The following NLGN1 variants were observed in gnomAD, a reference collection of about 807,000 sequenced individuals.
NLGN1 encodes the protein neuroligin 1, also known as neuroligin-1.
Under a neutral mutation model 65.5 loss-of-function variants are expected in NLGN1, and 12 were observed. The ratio of observed to expected loss-of-function variants is 0.18; its 90% CI spans 0.12 to 0.30. The LOEUF is 0.30. NLGN1 is among the 10% of genes least tolerant of loss of function. The pLI, the probability that NLGN1 is intolerant of heterozygous loss-of-function variation, is 1.00. For synonymous variants in NLGN1, 350 were observed against 359.5 expected, an observed-to-expected ratio of 0.97 and a Z score of 0.30; for missense variants, 750 against 1,007.1, an observed-to-expected ratio of 0.74 and a Z score of 3.46.
intron 3 of NLGN1, among the ~76,000 whole-genome samples, chr3:173,732,348 GT>G (rs1404854476): frequency 6.6e-6 from 1 of 152,062 alleles, no homozygotes; most frequent in Non-Finnish European, 1.5e-5. Context: ...TCCACATCAC[GT>G]TTTAAACAAA....
intron 4 of NLGN1, among the ~76,000 whole-genome samples, chr3:173,866,544 CA>C (rs1371457351): frequency 6.6e-6 from 1 of 152,128 alleles, no homozygotes; most frequent in East Asian, 1.9e-4. Flanking sequence ...CTATTATGAG[CA>C]AAACTATTTT....
At chr3:174,106,519 ATATAC>A (rs1713847480) in intron 4 of NLGN1, among the ~76,000 whole-genome samples, 2 of 152,040 alleles carry the variant, frequency 1.3e-5, no homozygotes, top group African/African-American at 2.4e-5. Flanking sequence ...AAGAATTTAT[ATATAC>A]TATATTTTTT....
intron 3 of NLGN1, among the ~76,000 whole-genome samples, chr3:173,787,156 G>A (rs1248273376): frequency 1.3e-5 from 2 of 151,818 alleles, no homozygotes; most frequent in Middle Eastern, 3.5e-3. Context: ...TCACCATCGA[G>A]TACTCAAAAT....
intron 3 of NLGN1, among the ~76,000 whole-genome samples, chr3:173,675,111 T>C (rs1368644567): frequency 6.6e-6 from 1 of 152,010 alleles, no homozygotes; most frequent in Non-Finnish European, 1.5e-5. Flanking sequence ...TGTGTTAATC[T>C]CTAAGAGCAT....
At chr3:173,721,076 A>G (rs1770762561) in intron 3 of NLGN1, among the ~76,000 whole-genome samples, 1 of 152,256 alleles carries the variant, frequency 6.6e-6, no homozygotes, top group Non-Finnish European at 1.5e-5. Flanking sequence ...GAGTGCTCAT[A>G]TGCACACAAC....
At chr3:173,910,545 A>T (rs1251460037) in intron 4 of NLGN1, 2 of 152,018 alleles carry the variant, frequency 1.3e-5, no homozygotes, top group Admixed American at 6.6e-5. Flanking sequence ...ATAATTAAGT[A>T]ATCCCTTTAT....
At chr3:173,856,040 G>A (rs1373529259) in intron 4 of NLGN1, among the ~76,000 whole-genome samples, 1 of 152,044 alleles carries the variant, frequency 6.6e-6, no homozygotes, top group Non-Finnish European at 1.5e-5. Flanking sequence ...AGAAGCAAAG[G>A]AACTATTTCT....
At chr3:173,814,274 T>C (rs1465083933) in intron 4 of NLGN1, among the ~76,000 whole-genome samples, 1 of 152,260 alleles carries the variant, frequency 6.6e-6, no homozygotes, top group Non-Finnish European at 1.5e-5. Context: ...AGGATAGAGC[T>C]AAAATACAAT....
At chr3:174,235,167 A>C (rs1381115016) in intron 4 of NLGN1, among the ~76,000 whole-genome samples, 2 of 151,838 alleles carry the variant, frequency 1.3e-5, no homozygotes, top group African/African-American at 4.8e-5. Context: ...AGGAGTTTGC[A>C]GTTGTCTCTT....
At chr3:174,270,895 C>T (rs1234436111) in intron 4 of NLGN1, among the ~76,000 whole-genome samples, 8 of 151,782 alleles carry the variant, frequency 5.3e-5, no homozygotes, top group Non-Finnish European at 1.0e-4. Flanking sequence ...GATGCAAAGT[C>T]CTTAATGAGC....
intron 3 of NLGN1, among the ~76,000 whole-genome samples, chr3:173,700,798 G>A (rs748397515): frequency 1.3e-5 from 2 of 152,132 alleles, no homozygotes; most frequent in Admixed American, 6.5e-5. Context: ...GTTTGAGAGA[G>A]GCTAATAGGA....
At chr3:173,526,236 A>T (rs1338450762) in intron 2 of NLGN1, among the ~76,000 whole-genome samples, 1 of 151,920 alleles carries the variant, frequency 6.6e-6, no homozygotes, top group Non-Finnish European at 1.5e-5. Context: ...TTGGTTTGTA[A>T]ACCTCGGTAC....
intron 2 of NLGN1, among the ~76,000 whole-genome samples, chr3:173,534,501 C>T (rs1351090348): frequency 1.8e-4 from 28 of 152,058 alleles, no homozygotes; most frequent in Non-Finnish European, 1.2e-4. Flanking sequence ...TTGCTTATGC[C>T]GGTTTCATGG....
At chr3:174,120,672 C>G (rs1160729333) in intron 4 of NLGN1, among the ~76,000 whole-genome samples, 1 of 152,110 alleles carries the variant, frequency 6.6e-6, no homozygotes, top group African/African-American at 2.4e-5. Context: ...AACTGGAGAT[C>G]TCACAACAAG....
chr3:173,884,119 G>A (rs1006414135), intron 4 of NLGN1, among the ~76,000 whole-genome samples: 1 of 150,628 alleles, frequency 6.6e-6, no homozygotes, highest in African/African-American at 2.4e-5. Flanking sequence ...GGCCTTTATC[G>A]TGCTGACCCA....
Position 173,966,493 on chromosome 3 carries a change from C to T in NLGN1, c.646+158661C>T, listed in dbSNP as rs370200450. 7.1e-4 allele frequency among the ~76,000 whole-genome samples: 108 copies of T among 152,244 alleles called. 4 individuals carry two copies. The South Asian group carries it at 0.021, about 29-fold the overall frequency. On this transcript the variant is annotated intron_variant, in intron 4 of 6. Transcript: ENST00000457714. ...AAGAAAGTACATGAATTATTTGTGC[C>T]ACCTATTTTTTAATTGCATAAAACA...
chr3:174,139,438 C>A (rs977833639), intron 4 of NLGN1, among the ~76,000 whole-genome samples: 1 of 151,908 alleles, frequency 6.6e-6, no homozygotes, highest in Non-Finnish European at 1.5e-5. Context: ...CTTTTTATGG[C>A]TTGATAGCTT....
intron 4 of NLGN1, among the ~76,000 whole-genome samples, chr3:173,928,146 G>T (rs911859836): frequency 3.9e-5 from 6 of 152,172 alleles, no homozygotes; most frequent in Non-Finnish European, 8.8e-5. Flanking sequence ...AACCTAAGTT[G>T]TGAGTTACCT....
intron 3 of NLGN1, among the ~76,000 whole-genome samples, chr3:173,778,850 T>C (rs955485911): frequency 2.0e-5 from 3 of 151,684 alleles, no homozygotes; most frequent in Admixed American, 2.0e-4. Context: ...ATAATATGAG[T>C]AATTAATTGA....
Sources: allele counts gnomAD v4.1 joint callset (sites outside exome capture counted in the v4.1 genomes callset), GRCh38; gene constraint gnomAD v4.1.1; transcripts MANE v1.5; gene names NCBI Gene and HGNC (gene_info 2026-07-23, HGNC 2026-07-21).